Variants in UCHL3 observed in about 807,000 individuals in gnomAD.
UCHL3 encodes ubiquitin C-terminal hydrolase L3, also known as ubiquitin carboxyl-terminal hydrolase isozyme L3.
Under a neutral mutation model 35.8 loss-of-function variants are expected in UCHL3, and 22 were observed. That is an observed-to-expected ratio of 0.61 (90% CI 0.44 to 0.88). UCHL3 has a LOEUF of 0.88. Among genes scored for constraint, UCHL3 ranks in the 40% least tolerant of loss-of-function variants. The pLI is 0.00. For synonymous variants in UCHL3, 90 were observed against 92.8 expected, an observed-to-expected ratio of 0.97 and a Z score of 0.17; for missense variants, 229 against 276.9, an observed-to-expected ratio of 0.83 and a Z score of 1.23.
chr13:75,563,122 A>G (rs2031569281), intron 3 of UCHL3, among the ~76,000 whole-genome samples: 2 of 132,964 alleles, frequency 1.5e-5, no homozygotes, highest in South Asian at 5.3e-4. Flanking sequence ...GTACCTCATT[A>G]TCCTTTATGT....
intron 6 of UCHL3, among the ~76,000 whole-genome samples, chr13:75,579,859 G>A (rs1481785609): frequency 6.6e-6 from 1 of 152,110 alleles, no homozygotes; most frequent in East Asian, 1.9e-4. Context: ...TGTAATAAAG[G>A]AGAACTTTAT....
intron 6 of UCHL3, among the ~76,000 whole-genome samples, chr13:75,593,385 A>C (rs1041532455): frequency 4.6e-5 from 7 of 152,218 alleles, no homozygotes; most frequent in Admixed American, 1.3e-4. Flanking sequence ...AAGGGAACTC[A>C]TTATCACTGT....
intron 6 of UCHL3, among the ~76,000 whole-genome samples, chr13:75,580,214 C>T (rs966059): frequency 0.46 from 70,446 of 151,864 alleles, 17,201 homozygotes; most frequent in East Asian, 0.6. Context: ...CTTTGCCAAC[C>T]GAACATGGAT....
At chr13:75,597,283 C>T (rs957163209) in intron 7 of UCHL3, among the ~76,000 whole-genome samples, 1 of 152,010 alleles carries the variant, frequency 6.6e-6, no homozygotes, top group African/African-American at 2.4e-5. Flanking sequence ...TGCCTGAGCC[C>T]AGGAGTTTGA....
rs75612284 is a variant in UCHL3 at position 75,591,079 on chromosome 13, C to G, written c.475-3836C>G. On this transcript the variant is annotated intron_variant, in intron 6 of 8. Coordinates refer to ENST00000377595, the MANE Select transcript of UCHL3 (RefSeq NM_006002.5). ...TTGACATTTCTATAAATTATGATGG[C>G]TTTTGAAGCCAGAGGAGGAAGTCTG... is the stretch of plus-strand genomic sequence containing the variant. Among the ~76,000 whole-genome samples the G allele has an allele frequency of 2.3e-3, 345 of 152,214 alleles. 12 individuals are homozygous for G. The East Asian group carries it at 0.061, about 27-fold the overall frequency.
chr13:75,605,553 T>C (rs1298145872), intron 8 of UCHL3, among the ~76,000 whole-genome samples, 176 bp from the exon 9 acceptor site: 1 of 152,132 alleles, frequency 6.6e-6, no homozygotes. Flanking sequence ...TCTTATACTT[T>C]TGTACAAAGC....
intron 5 of UCHL3, among the ~76,000 whole-genome samples, chr13:75,568,835 G>A (rs1359771294): frequency 6.6e-6 from 1 of 152,036 alleles, no homozygotes; most frequent in Non-Finnish European, 1.5e-5. Context: ...TTAAGGCTTG[G>A]ATATTTATTT....
intron 7 of UCHL3, among the ~76,000 whole-genome samples, chr13:75,599,075 C>A (rs565627639): frequency 2.0e-4 from 31 of 152,126 alleles, no homozygotes; most frequent in Admixed American, 2.0e-3. Context: ...CTCCAGCAAT[C>A]CCCTTGTCAC....
chr13:75,552,262 G>C (rs1266784337), intron 2 of UCHL3, among the ~76,000 whole-genome samples: 1 of 152,174 alleles, frequency 6.6e-6, no homozygotes, highest in Non-Finnish European at 1.5e-5. Flanking sequence ...GCAGAACCAA[G>C]AATAGAAGAT....
intron 6 of UCHL3, among the ~76,000 whole-genome samples, chr13:75,575,239 T>G (rs527380002): frequency 6.6e-6 from 1 of 152,182 alleles, no homozygotes; most frequent in Non-Finnish European, 1.5e-5. Flanking sequence ...CTTTTCTCCA[T>G]CCCACCGTGA....
At chr13:75,567,876 T>G (rs1016276228) in intron 5 of UCHL3, among the ~76,000 whole-genome samples, 3 of 152,152 alleles carry the variant, frequency 2.0e-5, no homozygotes, top group Non-Finnish European at 4.4e-5. Flanking sequence ...AAATATCTTA[T>G]GATTGACTAT....
chr13:75,590,714 A>G (rs2032458386), intron 6 of UCHL3, among the ~76,000 whole-genome samples: 1 of 152,090 alleles, frequency 6.6e-6, no homozygotes. Flanking sequence ...CTGCCTATTC[A>G]GTTTCTAAAG....
chr13:75,568,383 C>A (rs958153667), intron 5 of UCHL3, among the ~76,000 whole-genome samples: 1 of 151,348 alleles, frequency 6.6e-6, no homozygotes. Context: ...CTGGAGACTT[C>A]ATAAAACATC....
intron 6 of UCHL3, among the ~76,000 whole-genome samples, chr13:75,592,473 A>AGTTC (rs2032537742): frequency 3.8e-5 from 1 of 26,608 alleles, no homozygotes. Context: ...TATATGAAGG[A>AGTTC]AAAAAGATCC....
At position 75,566,854 on chromosome 13, in the gene UCHL3, A is replaced by G; in HGVS notation, c.340+3A>G. On this transcript the variant is annotated splice_donor_region_variant and intron_variant, in intron 4 of 8. Transcript: ENST00000377595. Reference sequence around the variant, plus strand: ...CAATAAAGACAAGATGCACTTTGGTAAATGATTTTTCATTACTGCATTTTT... The same window carrying G: ...CAATAAAGACAAGATGCACTTTGGTGAATGATTTTTCATTACTGCATTTTT... 1 of 1,585,320 alleles carries G rather than the reference A, an allele frequency of 6.3e-7. No homozygotes were observed.
chr13:75,565,926 T>C (rs965713905), intron 3 of UCHL3, among the ~76,000 whole-genome samples: 1 of 152,240 alleles, frequency 6.6e-6, no homozygotes, highest in African/African-American at 2.4e-5. Flanking sequence ...CAGTCAGCTA[T>C]AGAGCCCACA....
At position 75,605,906 on chromosome 13, in the gene UCHL3, T is replaced by A; in HGVS notation, c.*94T>A. ...CAAAAATTTTGATATTTTCATTAAC[T>A]TGATGATTAAACTTTATGTGAGTTA... is the stretch of plus-strand genomic sequence containing the variant. On this transcript the variant is annotated 3_prime_UTR_variant, in exon 9 of 9. Transcript: ENST00000377595. 3.2e-6 allele frequency: 4 copies of A among 1,239,266 alleles called. No homozygotes were observed. The South Asian group carries it at 5.1e-5, about 16-fold the overall frequency. 76.8% of individuals were successfully genotyped at this position (1,239,266 alleles called of 1,614,324 possible).
rs2031727696 is a variant in UCHL3 at position 75,567,668 on chromosome 13, C to T, written c.426+356C>T. 2.0e-5 allele frequency among the ~76,000 whole-genome samples: 3 copies of T among 152,022 alleles called. No homozygotes were observed. In the South Asian group the frequency reaches 6.2e-4, roughly 32 times the overall value. On this transcript the variant is annotated intron_variant, in intron 5 of 8. Coordinates refer to ENST00000377595, the MANE Select transcript of UCHL3 (RefSeq NM_006002.5). ...GTTCAAGCAATTCTTGTGCCTCAGC[C>T]TCCCAAGTAGCTAGGATTTCAGGTG...
chr13:75,566,863 T>A lies in UCHL3; in HGVS notation c.340+12T>A. On this transcript the variant is annotated intron_variant, in intron 4 of 8. Transcript: ENST00000377595. ...CAAGATGCACTTTGGTAAATGATTT[T>A]TCATTACTGCATTTTTTCCCCCTTA... 2 of 1,581,240 alleles carry A rather than the reference T, an allele frequency of 1.3e-6. No individual in the cohort carries two copies. Among genetic ancestry groups the A allele is most frequent in the Non-Finnish European group, 1.7e-6 (2 of 1,165,104 alleles).
Sources: allele counts gnomAD v4.1 joint callset (sites outside exome capture counted in the v4.1 genomes callset), GRCh38; gene constraint gnomAD v4.1.1; transcripts MANE v1.5; gene names NCBI Gene and HGNC (gene_info 2026-07-23, HGNC 2026-07-21).